Variants in GABRA5 observed in about 807,000 individuals in gnomAD.
GABRA5 encodes the protein gamma-aminobutyric acid receptor subunit alpha-5.
GABRA5 carries 18 observed loss-of-function variants against 47.3 expected under a neutral mutation model. The observed-to-expected ratio is 0.38, with a 90% confidence interval of 0.26 to 0.56. The LOEUF (loss-of-function observed/expected upper bound fraction) is 0.56. Among genes scored for constraint, GABRA5 ranks in the 20% least tolerant of loss-of-function variants. GABRA5 has a pLI of 0.71. For synonymous variants in GABRA5, 237 were observed against 229.3 expected (o/e 1.03, Z -0.30); for missense variants, 365 against 599.3 (o/e 0.61, Z 4.08).
At chr15:26,926,233 G>A (rs998417601) in intron 7 of GABRA5, among the ~76,000 whole-genome samples, 1 of 152,034 alleles carries the variant, frequency 6.6e-6, no homozygotes, top group East Asian at 1.9e-4. Context: ...GGCTTTCAGG[G>A]AGTAGTTTTT....
At chr15:26,931,227 T>C (rs1894100275) in intron 7 of GABRA5, among the ~76,000 whole-genome samples, 1 of 152,162 alleles carries the variant, frequency 6.6e-6, no homozygotes, top group Non-Finnish European at 1.5e-5. Flanking sequence ...TCATTCAGTC[T>C]GCTATAACAG....
At chr15:26,939,352 C>T (rs748049726) in intron 8 of GABRA5, 7 of 765,146 alleles carry the variant, frequency 9.1e-6, no homozygotes, top group African/African-American at 3.4e-5. Flanking sequence ...GAAATGCCCC[C>T]GATTTCAAAG....
chr15:26,925,692 G>C (rs894870140), intron 7 of GABRA5, among the ~76,000 whole-genome samples: 3 of 151,218 alleles, frequency 2.0e-5, no homozygotes. Context: ...CTTTTTTTTT[G>C]TTTCTTTTAC....
chr15:26,892,993 CGTGT>C (rs1163741037), intron 6 of GABRA5, among the ~76,000 whole-genome samples: 59 of 141,556 alleles, frequency 4.2e-4, no homozygotes, highest in Non-Finnish European at 4.0e-4. Flanking sequence ...TAGAGTGTGG[CGTGT>C]GTGTGTAGTG....
rs1893350464 is a variant in GABRA5 at position 26,902,479 on chromosome 15, T to C, written c.498-12324T>C. ...AATAATTGACTTACATACATTGACC[T>C]TGTATCAGCAAGCTTACTCTATTCA... On this transcript the variant is annotated intron_variant, in intron 6 of 10. Coordinates refer to ENST00000335625, the MANE Select transcript of GABRA5 (RefSeq NM_000810.4). Among the ~76,000 whole-genome samples, 3 of 152,154 alleles carry C rather than the reference T, an allele frequency of 2.0e-5. No homozygotes were observed. In the South Asian group the frequency reaches 6.2e-4, roughly 31 times the overall value.
intron 8 of GABRA5, 89 bp downstream of exon 8, chr15:26,937,417 GGCCA>G: frequency 1.4e-6 from 2 of 1,394,698 alleles, no homozygotes; most frequent in Non-Finnish European, 1.9e-6. Context: ...TCTCTGCAGG[GGCCA>G]CGTGGGAGGC....
intron 6 of GABRA5, among the ~76,000 whole-genome samples, chr15:26,900,623 A>G (rs1893305257): frequency 1.3e-5 from 2 of 152,084 alleles, no homozygotes; most frequent in South Asian, 4.1e-4. Flanking sequence ...CCCTGTCCCT[A>G]TACATGCATA....
intron 7 of GABRA5, 79 bp from the exon 8 acceptor site, chr15:26,937,106 A>T: frequency 6.6e-7 from 1 of 1,523,262 alleles, no homozygotes; most frequent in Non-Finnish European, 9.1e-7. Flanking sequence ...CTCTCTTGCT[A>T]CTTTAGTAAA....
chr15:26,895,574 T>A (rs1893163518), intron 6 of GABRA5, among the ~76,000 whole-genome samples: 2 of 151,680 alleles, frequency 1.3e-5, no homozygotes, highest in Admixed American at 1.3e-4. Context: ...GCACTTTGGG[T>A]GGCCGAAGCT....
chr15:26,911,252 ACTGT>A (rs1893576874), intron 6 of GABRA5, among the ~76,000 whole-genome samples: 1 of 151,976 alleles, frequency 6.6e-6, no homozygotes, highest in African/African-American at 2.4e-5. Context: ...TTGTAGAAAA[ACTGT>A]CTTTTTTACA....
chr15:26,896,384 T>C (rs562293468), intron 6 of GABRA5, among the ~76,000 whole-genome samples: 43 of 152,316 alleles, frequency 2.8e-4, no homozygotes, highest in African/African-American at 8.7e-4. Context: ...TCTGTGTCAG[T>C]CTCTCTCCCA....
intron 7 of GABRA5, among the ~76,000 whole-genome samples, chr15:26,928,573 C>T (rs943586397): frequency 4.6e-5 from 7 of 152,028 alleles, no homozygotes; most frequent in South Asian, 2.1e-4. Flanking sequence ...GGTCCTCCTG[C>T]GTGGGATTAG....
At chr15:26,885,581 T>C (rs994805303) in intron 6 of GABRA5, among the ~76,000 whole-genome samples, 1 of 152,222 alleles carries the variant, frequency 6.6e-6, no homozygotes, top group Admixed American at 6.5e-5. Flanking sequence ...TTTCCTCGCA[T>C]TGATCTTGAA....
rs2140238982 is a variant in GABRA5 at position 26,868,768 on chromosome 15, C to T, written c.-100C>T. 6.4e-6 allele frequency: 1 copy of T among 155,166 alleles called. No individual in the cohort carries two copies. Among genetic ancestry groups the T allele is most frequent in the South Asian group, 2.0e-4 (1 of 5,062 alleles). 9.6% of individuals were successfully genotyped at this position (155,166 alleles called of 1,614,324 possible). A position where few individuals can be genotyped will look rare whatever the true frequency, so the allele number is the denominator to read the frequency against. Reference sequence around the variant, plus strand: ...AGGAGTAGCTTGCTGGCTTTGAACGCGTGGCGTGGCAGATATTTCAGAAAG... The same window carrying T: ...AGGAGTAGCTTGCTGGCTTTGAACGTGTGGCGTGGCAGATATTTCAGAAAG... On this transcript the variant is annotated 5_prime_UTR_variant, in exon 2 of 11. Transcript: ENST00000335625.
chr15:26,896,578 A>G (rs1053783469), intron 6 of GABRA5, among the ~76,000 whole-genome samples: 4 of 152,214 alleles, frequency 2.6e-5, no homozygotes, highest in Admixed American at 6.5e-5. Flanking sequence ...AACCAGGTCC[A>G]TGTGTTAAGC....
chr15:26,948,253 C>G lies in GABRA5; in HGVS notation c.*20C>G. The G allele has an allele frequency of 1.2e-6, 2 of 1,603,804 alleles. No individual in the cohort carries two copies. Among genetic ancestry groups the G allele is most frequent in the South Asian group, 2.2e-5 (2 of 89,668 alleles). The stretch of plus-strand genomic sequence containing the variant: ...AAATAACCGGCCACACTCCCAAACT[C>G]CAAGACAGCCATACTTCCAGCGAAA... On this transcript the variant is annotated 3_prime_UTR_variant, in exon 11 of 11. Coordinates refer to ENST00000335625, the MANE Select transcript of GABRA5 (RefSeq NM_000810.4).
chr15:26,941,873 AT>A (rs1894393577), intron 9 of GABRA5, among the ~76,000 whole-genome samples: 1 of 152,236 alleles, frequency 6.6e-6, no homozygotes. Context: ...ATGAGGGCCT[AT>A]CCCAGTGACC....
intron 7 of GABRA5, among the ~76,000 whole-genome samples, chr15:26,920,676 A>G (rs1013970590): frequency 2.0e-5 from 3 of 152,186 alleles, no homozygotes; most frequent in Non-Finnish European, 2.9e-5. Context: ...TGCACATTAA[A>G]TAAAACATTC....
intron 10 of GABRA5, 130 bp from the exon 11 acceptor site, chr15:26,947,804 A>G (rs1894547559): frequency 1.3e-6 from 1 of 746,944 alleles, no homozygotes; most frequent in Non-Finnish European, 2.2e-6. Flanking sequence ...TGGCGACATC[A>G]GTGGAGGAGG....
Sources: allele counts gnomAD v4.1 joint callset (sites outside exome capture counted in the v4.1 genomes callset), GRCh38; gene constraint gnomAD v4.1.1; transcripts MANE v1.5; gene names NCBI Gene and HGNC (gene_info 2026-07-23, HGNC 2026-07-21).